The following ADGRL3 variants were observed in gnomAD, a reference collection of about 807,000 sequenced individuals.
ADGRL3 encodes calcium-independent alpha-latrotoxin receptor 3.
Under a neutral mutation model 153.5 loss-of-function variants are expected in ADGRL3, and 62 were observed. The ratio of observed to expected loss-of-function variants is 0.40; its 90% CI spans 0.33 to 0.50. The LOEUF (loss-of-function observed/expected upper bound fraction) is 0.50, where lower values mean the gene tolerates loss of function less well. ADGRL3 is among the 20% of genes least tolerant of loss of function. The pLI is 0.47. For missense variants in ADGRL3, 1,641 were observed against 1,859.4 expected, an observed-to-expected ratio of 0.88 and a Z score of 2.16; for synonymous variants, 710 against 672.5, an observed-to-expected ratio of 1.06 and a Z score of -0.86.
chr4:62,068,058 A>T, intron 25 of ADGRL3, 108 bp from the exon 26 acceptor site: 1 of 629,592 alleles, frequency 1.6e-6, no homozygotes, highest in Non-Finnish European at 2.7e-6. Flanking sequence ...ATTTCCTTTG[A>T]CTCTTTTTTC....
chr4:61,869,381 G>T (rs1182178442), intron 9 of ADGRL3, among the ~76,000 whole-genome samples: 2 of 151,726 alleles, frequency 1.3e-5, no homozygotes, highest in Non-Finnish European at 2.9e-5. Context: ...GGTGGATCAT[G>T]AGGTCAGGAG....
chr4:61,926,547 CTA>C (rs1419424422), intron 13 of ADGRL3, among the ~76,000 whole-genome samples: 5 of 152,168 alleles, frequency 3.3e-5, no homozygotes, highest in African/African-American at 1.2e-4. Flanking sequence ...TGGTTCTACT[CTA>C]TGTTAGCTAA....
intron 4 of ADGRL3, among the ~76,000 whole-genome samples, chr4:61,563,933 G>C (rs970534269): frequency 6.6e-6 from 1 of 152,006 alleles, no homozygotes; most frequent in Non-Finnish European, 1.5e-5. Flanking sequence ...GATTGAACTG[G>C]GGGAGGCGCA....
chr4:61,752,826 C>G (rs2096773292), intron 8 of ADGRL3, among the ~76,000 whole-genome samples: 1 of 152,038 alleles, frequency 6.6e-6, no homozygotes, highest in Admixed American at 6.6e-5. Flanking sequence ...CCTAGCTACT[C>G]AGGAGACTGA....
At chr4:61,761,835 G>C (rs1397811444) in intron 8 of ADGRL3, among the ~76,000 whole-genome samples, 1 of 152,176 alleles carries the variant, frequency 6.6e-6, no homozygotes, top group East Asian at 1.9e-4. Context: ...GGTGGCTGAC[G>C]TGAGAGGAGT....
At chr4:61,582,221 G>A (rs187637488) in intron 4 of ADGRL3, among the ~76,000 whole-genome samples, 39 of 151,952 alleles carry the variant, frequency 2.6e-4, no homozygotes, top group African/African-American at 8.7e-4. Flanking sequence ...TACATGTGCA[G>A]GACATGCAGG....
intron 21 of ADGRL3, among the ~76,000 whole-genome samples, chr4:62,024,875 A>G (rs1717479053): frequency 6.8e-6 from 1 of 146,950 alleles, no homozygotes; most frequent in Non-Finnish European, 1.5e-5. Flanking sequence ...GGTTGCAGTG[A>G]GCCGAGATTG....
intron 5 of ADGRL3, among the ~76,000 whole-genome samples, chr4:61,609,599 G>A (rs540910395): frequency 6.6e-6 from 1 of 152,134 alleles, no homozygotes; most frequent in South Asian, 2.1e-4. Flanking sequence ...CAGTTTGTCT[G>A]TGTATGTTTT....
At chr4:61,596,000 C>T (rs1218941620) in intron 5 of ADGRL3, among the ~76,000 whole-genome samples, 9 of 152,122 alleles carry the variant, frequency 5.9e-5, no homozygotes, top group Admixed American at 4.6e-4. Context: ...TGCACAAATA[C>T]TCTCTCTGTG....
intron 9 of ADGRL3, among the ~76,000 whole-genome samples, chr4:61,889,174 A>T (rs981614867): frequency 6.6e-6 from 1 of 152,228 alleles, no homozygotes. Flanking sequence ...AACAACACAT[A>T]TTAGTGTATA....
rs1491302780 is a variant in ADGRL3, at chr4:61,711,458, T to TTTTA, written c.584-19163_584-19162insTTAT. 4.7e-3 allele frequency among the ~76,000 whole-genome samples: 164 copies of TTTTA among 34,606 alleles called. 5 individuals carry two copies. The highest frequency in any genetic ancestry group is 9.9e-3 in the Admixed American group (18 of 1,814). The allele number at this position is 34,606 out of a possible 152,430, so 22.7% of individuals were successfully genotyped here. A position where few individuals can be genotyped will look rare whatever the true frequency, so the allele number is the denominator to read the frequency against. On this transcript the variant is annotated intron_variant, in intron 6 of 26. Coordinates refer to ENST00000683033, the MANE Select transcript of ADGRL3 (RefSeq NM_001387552.1). ...ATACTATCTTAAAACATATGCTTCA[T>TTTTA]TATATATATATATATATATATATAT...
intron 13 of ADGRL3, among the ~76,000 whole-genome samples, chr4:61,915,890 A>AT (rs1179832806): frequency 1.3e-5 from 2 of 152,162 alleles, no homozygotes; most frequent in Middle Eastern, 3.4e-3. Context: ...AAATAAGATG[A>AT]TTTCTAAGTC....
intron 8 of ADGRL3, among the ~76,000 whole-genome samples, chr4:61,755,627 G>A (rs1330343050): frequency 6.6e-6 from 1 of 152,160 alleles, no homozygotes; most frequent in Non-Finnish European, 1.5e-5. Context: ...AGTTTAATTA[G>A]ATCCCATTTG....
chr4:61,897,271 A>G (rs910926911), intron 11 of ADGRL3, among the ~76,000 whole-genome samples: 1 of 152,218 alleles, frequency 6.6e-6, no homozygotes, highest in African/African-American at 2.4e-5. Flanking sequence ...ATTTAAACTT[A>G]AAGAACTTAG....
Position 61,909,761 on chromosome 4 carries a change from ATGTGTGTG to A in ADGRL3, c.2073+50_2073+57del, listed in dbSNP as rs58884223. 799 of 1,195,406 alleles carry A rather than the reference ATGTGTGTG, an allele frequency of 6.7e-4. 9 individuals carry two copies. The highest frequency in any genetic ancestry group is 3.0e-3 in the African/African-American group (186 of 62,346). The allele number at this position is 1,195,406 out of a possible 1,614,324, so 74.0% of individuals were successfully genotyped here. On this transcript the variant is annotated intron_variant, in intron 12 of 26. Transcript: ENST00000683033. ...TTTGAACAAGGTAAGGACCCTAATT[ATGTGTGTG>A]TGTGTGTGTGTGTGTGTGTGTGTGT...
At chr4:61,418,935 G>A (rs1324211876) in intron 2 of ADGRL3, among the ~76,000 whole-genome samples, 2 of 150,642 alleles carry the variant, frequency 1.3e-5, no homozygotes, top group African/African-American at 4.9e-5. Flanking sequence ...ACAGTTTAGT[G>A]ACTATAAATA....
chr4:61,869,824 G>T (rs556103123), intron 9 of ADGRL3, among the ~76,000 whole-genome samples: 1 of 150,676 alleles, frequency 6.6e-6, no homozygotes, highest in Admixed American at 6.6e-5. Flanking sequence ...TGTAATCCCA[G>T]CTACTCCGGA....
intron 8 of ADGRL3, among the ~76,000 whole-genome samples, chr4:61,800,723 T>C (rs2097484711): frequency 6.6e-6 from 1 of 152,194 alleles, no homozygotes; most frequent in Admixed American, 6.5e-5. Flanking sequence ...CAGGTAGCTT[T>C]AGACTAAATT....
intron 9 of ADGRL3, among the ~76,000 whole-genome samples, chr4:61,862,437 T>C (rs150830028): frequency 1.3e-5 from 2 of 152,304 alleles, no homozygotes; most frequent in African/African-American, 4.8e-5. Context: ...TCGAGTTGTT[T>C]GTTGGCATTG....
Sources: allele counts gnomAD v4.1 joint callset (sites outside exome capture counted in the v4.1 genomes callset), GRCh38; gene constraint gnomAD v4.1.1; transcripts MANE v1.5; gene names NCBI Gene and HGNC (gene_info 2026-07-23, HGNC 2026-07-21).